VAPB: variants seen among roughly 807,000 people sequenced by gnomAD.
VAPB encodes the protein vesicle-associated membrane protein-associated protein B/C.
VAPB carries 7 observed loss-of-function variants against 25.6 expected under a neutral mutation model. The observed-to-expected ratio is 0.27, with a 90% CI of 0.16 to 0.51. The LOEUF is 0.51. Among genes scored for constraint, VAPB ranks in the 20% least tolerant of loss-of-function variants. The pLI is 0.97. For missense variants in VAPB, 266 were observed against 301.3 expected (o/e 0.88, Z 0.87); for synonymous variants, 112 against 109.2 (o/e 1.03, Z -0.16).
At chr20:58,441,430 A>AAGCG (rs1989159912) in intron 5 of VAPB, among the ~76,000 whole-genome samples, 1 of 152,198 alleles carries the variant, frequency 6.6e-6, no homozygotes, top group South Asian at 2.1e-4. Flanking sequence ...TCACAAGGTC[A>AAGCG]AGCGTTCAAG....
At chr20:58,398,540 G>T (rs951335882) in intron 1 of VAPB, among the ~76,000 whole-genome samples, 1 of 148,924 alleles carries the variant, frequency 6.7e-6, no homozygotes, top group Non-Finnish European at 1.5e-5. Flanking sequence ...AAAGTTTCCA[G>T]CCTCTAGGTA....
At chr20:58,442,651 G>A (rs900257527) in intron 5 of VAPB, among the ~76,000 whole-genome samples, 2 of 152,142 alleles carry the variant, frequency 1.3e-5, no homozygotes, top group South Asian at 4.1e-4. Context: ...ATTTACTGAG[G>A]GTCTAATATG....
rs117507804 is a variant in VAPB at position 58,405,694 on chromosome 20, C to T, written c.59-12517C>T. Reference sequence around the variant, plus strand: ...TCCTAAACTCCTGAGCTCAGGCCTCCCAAAATGCTAGGATTACAGGTGTGA... The same window carrying T: ...TCCTAAACTCCTGAGCTCAGGCCTCTCAAAATGCTAGGATTACAGGTGTGA... On this transcript the variant is annotated intron_variant, in intron 1 of 5. Coordinates refer to ENST00000475243, the MANE Select transcript of VAPB (RefSeq NM_004738.5). Among the ~76,000 whole-genome samples the T allele has an allele frequency of 4.3e-3, 620 of 144,554 alleles. 10 individuals carry two copies. Among genetic ancestry groups the T allele is most frequent in the East Asian group, 0.031 (144 of 4,686 alleles). 94.8% of individuals were successfully genotyped at this position (144,554 alleles called of 152,430 possible).
At position 58,412,573 on chromosome 20, in the gene VAPB, T is replaced by C. The variant is rs183472470; in HGVS notation, c.59-5638T>C. ...GCCTGGGTGACAGAGTGAGACTCTGTCTCAAAAAAAAAAAAAAGGTAAAAT... is the reference window on the plus strand; with the variant it reads ...GCCTGGGTGACAGAGTGAGACTCTGCCTCAAAAAAAAAAAAAAGGTAAAAT... On this transcript the variant is annotated intron_variant, in intron 1 of 5. Coordinates refer to ENST00000475243, the MANE Select transcript of VAPB (RefSeq NM_004738.5). Among the ~76,000 whole-genome samples, 76 of 22,124 alleles carry C rather than the reference T, an allele frequency of 3.4e-3. 1 individual carries two copies. The highest frequency in any genetic ancestry group is 6.0e-3 in the Non-Finnish European group (59 of 9,830). 14.5% of individuals were successfully genotyped at this position (22,124 alleles called of 152,430 possible). A position where few individuals can be genotyped will look rare whatever the true frequency, so the allele number is the denominator to read the frequency against.
chr20:58,418,472 C>T (rs1291719293), intron 2 of VAPB, 109 bp downstream of exon 2: 15 of 1,384,966 alleles, frequency 1.1e-5, no homozygotes, highest in Middle Eastern at 5.2e-4. Flanking sequence ...ATAGAATTCT[C>T]TCCACCCCAC....
chr20:58,426,465 C>T (rs6070463), intron 2 of VAPB, among the ~76,000 whole-genome samples: 2 of 152,048 alleles, frequency 1.3e-5, no homozygotes, highest in East Asian at 1.9e-4. Context: ...CAGGCAGGGC[C>T]GACATGATAA....
chr20:58,401,225 A>G (rs963470326), intron 1 of VAPB, among the ~76,000 whole-genome samples: 2 of 152,116 alleles, frequency 1.3e-5, no homozygotes, highest in African/African-American at 4.8e-5. Flanking sequence ...TTACATACCT[A>G]GCACTCACTG....
In VAPB at chr20:58,448,499, C is replaced by T. The variant is rs764113067; in HGVS notation, c.*4264C>T. 6 of 453,866 alleles carry T rather than the reference C, an allele frequency of 1.3e-5. No individual in the cohort carries two copies. Among genetic ancestry groups the T allele is most frequent in the South Asian group, 4.7e-5 (3 of 64,482 alleles). The allele number at this position is 453,866 out of a possible 1,614,324, so 28.1% of individuals were successfully genotyped here. On this transcript the variant is annotated 3_prime_UTR_variant, in exon 6 of 6. Transcript: ENST00000475243. The stretch of plus-strand genomic sequence containing the variant: ...GGGGGTAGATGGCTCTGTTTGCATA[C>T]GAAGAAATAAAGGCTCCAGGAGGTT...
At chr20:58,421,830 T>C (rs1378935185) in intron 2 of VAPB, among the ~76,000 whole-genome samples, 1 of 152,126 alleles carries the variant, frequency 6.6e-6, no homozygotes, top group Non-Finnish European at 1.5e-5. Context: ...CAGGTTCAGA[T>C]TGTGACATGG....
chr20:58,421,765 T>G (rs1988674498), intron 2 of VAPB, among the ~76,000 whole-genome samples: 1 of 152,150 alleles, frequency 6.6e-6, no homozygotes, highest in Non-Finnish European at 1.5e-5. Flanking sequence ...TAATGATGTC[T>G]GCCCATGGAG....
At chr20:58,391,590 G>C (rs1182694533) in intron 1 of VAPB, among the ~76,000 whole-genome samples, 1 of 151,892 alleles carries the variant, frequency 6.6e-6, no homozygotes. Flanking sequence ...CTGGAGTGCA[G>C]AGGCGCCATC....
At chr20:58,395,271 C>A (rs1987926014) in intron 1 of VAPB, among the ~76,000 whole-genome samples, 1 of 151,840 alleles carries the variant, frequency 6.6e-6, no homozygotes, top group Non-Finnish European at 1.5e-5. Context: ...CCTGCCTCAG[C>A]CTCCCGAGTA....
rs192179054 is a variant in VAPB at position 58,422,172 on chromosome 20, G to A, written c.211+3809G>A. 9.3e-4 allele frequency among the ~76,000 whole-genome samples: 141 copies of A among 152,142 alleles called. No homozygotes were observed. In the East Asian group the frequency reaches 0.021, roughly 22 times the overall value. ...TTCTTTGTCCTTTACATGGGTGCTCGTCTCATCTCATTTTTATTGTAGCCC... is the reference window on the plus strand; with the variant it reads ...TTCTTTGTCCTTTACATGGGTGCTCATCTCATCTCATTTTTATTGTAGCCC... On this transcript the variant is annotated intron_variant, in intron 2 of 5. Transcript: ENST00000475243.
intron 1 of VAPB, among the ~76,000 whole-genome samples, chr20:58,412,820 C>G (rs1308018243): frequency 1.3e-5 from 2 of 152,076 alleles, no homozygotes; most frequent in Non-Finnish European, 2.9e-5. Flanking sequence ...ATTTTTCTTC[C>G]ATGGCTCTTG....
At chr20:58,414,571 C>T (rs1236757142) in intron 1 of VAPB, among the ~76,000 whole-genome samples, 4 of 151,008 alleles carry the variant, frequency 2.6e-5, no homozygotes, top group Non-Finnish European at 4.4e-5. Context: ...CAGAGGCGCT[C>T]CTCACATCCC....
intron 2 of VAPB, among the ~76,000 whole-genome samples, chr20:58,422,524 T>G (rs1354515279): frequency 6.6e-6 from 1 of 152,332 alleles, no homozygotes; most frequent in Middle Eastern, 3.4e-3. Flanking sequence ...AAATCTATTT[T>G]CTGAACTGTA....
rs1333889269 is a variant in VAPB, at chr20:58,448,331, T to C, written c.*4096T>C. Reference sequence around the variant, plus strand: ...GCCTAATTGGATTTGGAGAACGCCTTCCCTGGCCCCTTTTCCTCAGACAGA... The same window carrying C: ...GCCTAATTGGATTTGGAGAACGCCTCCCCTGGCCCCTTTTCCTCAGACAGA... On this transcript the variant is annotated 3_prime_UTR_variant, in exon 6 of 6. Coordinates refer to ENST00000475243, the MANE Select transcript of VAPB (RefSeq NM_004738.5). 9 of 453,580 alleles carry C rather than the reference T, an allele frequency of 2.0e-5. No homozygotes were observed. The East Asian group carries it at 4.9e-4, about 25-fold the overall frequency. The allele number at this position is 453,580 out of a possible 1,614,324, so 28.1% of individuals were successfully genotyped here.
intron 1 of VAPB, among the ~76,000 whole-genome samples, chr20:58,403,502 C>T (rs1296681051): frequency 6.6e-6 from 1 of 152,190 alleles, no homozygotes; most frequent in Non-Finnish European, 1.5e-5. Flanking sequence ...CTTCTTTCAT[C>T]AGACCTCACC....
chr20:58,423,435 A>AAAAAAAAAAAAAAAAAAT (rs1988715764), intron 2 of VAPB, among the ~76,000 whole-genome samples: 1 of 148,954 alleles, frequency 6.7e-6, no homozygotes, highest in African/African-American at 2.5e-5. Flanking sequence ...AAAAAAAAAA[A>AAAAAAAAAAAAAAAAAAT]AAAAAAAAAA....
Sources: gnomAD v4.1 joint callset for allele counts (sites outside exome capture counted in the v4.1 genomes callset) on GRCh38, gnomAD v4.1.1 for gene constraint, MANE v1.5 for transcripts, NCBI Gene and HGNC (gene_info 2026-07-23, HGNC 2026-07-21) for gene names.